ZNF385D: variants seen among roughly 807,000 people sequenced by gnomAD.
The protein encoded by ZNF385D is zinc finger protein 385D.
Under a neutral mutation model 35.8 loss-of-function variants are expected in ZNF385D, and 15 were observed. The ratio of observed to expected loss-of-function variants is 0.42; its 90% CI spans 0.28 to 0.64. The LOEUF is 0.64. ZNF385D is among the 30% of genes least tolerant of loss of function. ZNF385D has a pLI of 0.23. For synonymous variants in ZNF385D, 212 were observed against 186.8 expected (o/e 1.13, Z -1.10); for missense variants, 474 against 494.6 (o/e 0.96, Z 0.39).
At chr3:21,463,682 A>G (rs1450858646) in intron 4 of ZNF385D, among the ~76,000 whole-genome samples, 1 of 151,816 alleles carries the variant, frequency 6.6e-6, no homozygotes, top group East Asian at 1.9e-4. Context: ...GAAAAGATAC[A>G]CTCTTTCCAG....
chr3:22,251,398 A>G (rs1700057823), intron 2 of ZNF385D, among the ~76,000 whole-genome samples: 1 of 152,176 alleles, frequency 6.6e-6, no homozygotes, highest in Admixed American at 6.6e-5. Flanking sequence ...ATATAATACC[A>G]TGTATTACAA....
intron 2 of ZNF385D, among the ~76,000 whole-genome samples, chr3:21,586,866 T>TAAAG (rs1388499515): frequency 4.6e-5 from 7 of 152,102 alleles, no homozygotes; most frequent in African/African-American, 1.7e-4. Context: ...AGTATTGAAA[T>TAAAG]AAAGATATAA....
chr3:22,254,752 A>G (rs1200951147), intron 2 of ZNF385D, among the ~76,000 whole-genome samples: 1 of 151,848 alleles, frequency 6.6e-6, no homozygotes, highest in Non-Finnish European at 1.5e-5. Flanking sequence ...TTCTGTCGGC[A>G]TGTTAATAGT....
rs1192120299 is a variant in ZNF385D, at chr3:21,899,064, G to A, written c.326-234036C>T. On this transcript the variant is annotated intron_variant, in intron 3 of 5. Transcript: ENST00000494108. ...ACAATAGTTCCCATCAGGAGAACGG[G>A]ATGTTTATTATTCCCCAGTTGGACA... Among the ~76,000 whole-genome samples, 30 of 152,100 alleles carry A rather than the reference G, an allele frequency of 2.0e-4. 1 individual carries two copies. Among genetic ancestry groups the A allele is most frequent in the Admixed American group, 2.0e-3 (30 of 15,236 alleles).
At chr3:21,765,697 A>T (rs1260433585) in intron 3 of ZNF385D, among the ~76,000 whole-genome samples, 1 of 150,828 alleles carries the variant, frequency 6.6e-6, no homozygotes, top group African/African-American at 2.4e-5. Flanking sequence ...GCGTGCGTGC[A>T]TGCACACGCA....
chr3:22,043,332 A>G (rs1393768307), intron 3 of ZNF385D, among the ~76,000 whole-genome samples: 1 of 152,178 alleles, frequency 6.6e-6, no homozygotes, highest in Non-Finnish European at 1.5e-5. Flanking sequence ...CTTACAGTTT[A>G]GGTCTGTGGC....
chr3:21,954,522 G>C (rs1702202322), intron 3 of ZNF385D, among the ~76,000 whole-genome samples: 1 of 151,944 alleles, frequency 6.6e-6, no homozygotes, highest in African/African-American at 2.4e-5. Flanking sequence ...TAGTGTCTTA[G>C]TAATATTTAC....
At chr3:22,323,144 C>A (rs1225482205) in intron 2 of ZNF385D, among the ~76,000 whole-genome samples, 1 of 152,044 alleles carries the variant, frequency 6.6e-6, no homozygotes, top group Non-Finnish European at 1.5e-5. Context: ...ACCTGTATGG[C>A]CTCTTGGTGG....
chr3:21,640,515 A>G (rs1418445200), intron 2 of ZNF385D, among the ~76,000 whole-genome samples: 5 of 152,070 alleles, frequency 3.3e-5, no homozygotes, highest in African/African-American at 1.2e-4. Context: ...TTTAGAGGCA[A>G]TCAGGAGGGT....
Position 21,537,730 on chromosome 3 carries a change from G to C in ZNF385D, c.277-26707C>G, listed in dbSNP as rs2062070519. Among the ~76,000 whole-genome samples, 4 of 152,072 alleles carry C rather than the reference G, an allele frequency of 2.6e-5. No individual in the cohort carries two copies. The South Asian group carries it at 8.4e-4, about 32-fold the overall frequency. On this transcript the variant is annotated intron_variant, in intron 3 of 7. Transcript: ENST00000281523. ...AGTGAGTGAGGTGGGCAGTGGGAGA[G>C]GATGAAGCACAAAAGTCTCCCAGAG...
chr3:21,869,454 T>A (rs1320426785), intron 3 of ZNF385D, among the ~76,000 whole-genome samples: 1 of 152,152 alleles, frequency 6.6e-6, no homozygotes, highest in Non-Finnish European at 1.5e-5. Flanking sequence ...GGAATATATA[T>A]TGCATTTAGA....
chr3:21,472,679 T>TAGAGCAGCTAAGCTTCAGCCAATC (rs527248579), intron 4 of ZNF385D, among the ~76,000 whole-genome samples: 174 of 152,244 alleles, frequency 1.1e-3, no homozygotes, highest in Non-Finnish European at 1.9e-3. Context: ...CTCAGCCAAT[T>TAGAGCAGCTAAGCTTCAGCCAATC]ACAGCAGCTA....
chr3:21,592,580 T>C (rs915714421), intron 2 of ZNF385D, among the ~76,000 whole-genome samples: 2 of 149,896 alleles, frequency 1.3e-5, no homozygotes, highest in Non-Finnish European at 1.5e-5. Flanking sequence ...AAAAAACAAT[T>C]ATTGCATTAT....
intron 2 of ZNF385D, among the ~76,000 whole-genome samples, chr3:22,305,764 A>G (rs1406956991): frequency 6.6e-6 from 1 of 152,178 alleles, no homozygotes; most frequent in Non-Finnish European, 1.5e-5. Context: ...GTAGAGAACT[A>G]AAAATACTCA....
intron 3 of ZNF385D, among the ~76,000 whole-genome samples, chr3:21,785,542 A>G (rs1228086155): frequency 6.6e-6 from 1 of 152,142 alleles, no homozygotes; most frequent in Non-Finnish European, 1.5e-5. Flanking sequence ...GTACCCTTTA[A>G]CCATCACTCA....
At chr3:22,194,442 C>T (rs150414527) in intron 2 of ZNF385D, among the ~76,000 whole-genome samples, 315 of 151,766 alleles carry the variant, frequency 2.1e-3, no homozygotes, top group African/African-American at 7.4e-3. Flanking sequence ...AATGGCTAAC[C>T]AATTATACAG....
chr3:22,115,645 T>G (rs1030601527), intron 3 of ZNF385D, among the ~76,000 whole-genome samples: 1 of 152,102 alleles, frequency 6.6e-6, no homozygotes, highest in African/African-American at 2.4e-5. Context: ...TTGAATCTCA[T>G]AAGATTCCAG....
intron 3 of ZNF385D, among the ~76,000 whole-genome samples, chr3:22,050,683 G>T (rs890078294): frequency 2.0e-5 from 3 of 152,156 alleles, no homozygotes; most frequent in Non-Finnish European, 4.4e-5. Context: ...GATGAACTCA[G>T]CAGTTTTTAA....
intron 2 of ZNF385D, among the ~76,000 whole-genome samples, chr3:22,321,170 T>TG (rs1359169407): frequency 1.2e-4 from 18 of 147,976 alleles, no homozygotes; most frequent in Non-Finnish European, 1.9e-4. Context: ...CCTTGTTTTT[T>TG]TTTTTTTTTT....
Sources: gnomAD v4.1 joint callset for allele counts (sites outside exome capture counted in the v4.1 genomes callset) on GRCh38, gnomAD v4.1.1 for gene constraint, MANE v1.5 for transcripts, NCBI Gene and HGNC (gene_info 2026-07-23, HGNC 2026-07-21) for gene names.